Variants in ZBTB20 observed in about 807,000 individuals in gnomAD.
ZBTB20 encodes zinc finger and BTB domain containing 20, also known as zinc finger and BTB domain-containing protein 20.
A neutral mutation model predicts 56.9 loss-of-function variants in ZBTB20; 9 were observed. The ratio of observed to expected loss-of-function variants is 0.16; its 90% CI spans 0.10 to 0.28. ZBTB20 has a LOEUF of 0.28. Ranked by LOEUF, ZBTB20 falls within the 10% of genes least tolerant of loss-of-function variation. The probability of loss-of-function intolerance (pLI) is 1.00; values close to 1 mark genes in which losing one functional copy is unlikely to be tolerated. For missense variants in ZBTB20, 655 were observed against 1,003.0 expected (o/e 0.65, Z 4.69); for synonymous variants, 417 against 420.7 (o/e 0.99, Z 0.11).
chr3:115,103,112 T>C (rs754740733), intron 1 of ZBTB20: 3 of 152,194 alleles, frequency 2.0e-5, no homozygotes, highest in Admixed American at 6.5e-5. Flanking sequence ...CTTTCCCTAG[T>C]TGGGACTGGA....
At chr3:114,572,596 T>C (rs2053558603) in intron 6 of ZBTB20, among the ~76,000 whole-genome samples, 1 of 152,238 alleles carries the variant, frequency 6.6e-6, no homozygotes, top group Admixed American at 6.5e-5. Context: ...TTCATTCTCC[T>C]GGCAGAAGGA....
chr3:115,008,472 G>C (rs903497804), intron 2 of ZBTB20, among the ~76,000 whole-genome samples: 6 of 151,802 alleles, frequency 4.0e-5, no homozygotes, highest in African/African-American at 1.4e-4. Flanking sequence ...AAATGCTCCT[G>C]ATAATAAGCA....
At chr3:115,016,525 G>T (rs1576573079) in intron 2 of ZBTB20, among the ~76,000 whole-genome samples, 2 of 151,738 alleles carry the variant, frequency 1.3e-5, no homozygotes, top group Admixed American at 1.3e-4. Context: ...TCAATTTTCT[G>T]CATATGGCTA....
chr3:114,588,504 T>C (rs1470906836), intron 6 of ZBTB20, among the ~76,000 whole-genome samples: 1 of 152,104 alleles, frequency 6.6e-6, no homozygotes, highest in African/African-American at 2.4e-5. Flanking sequence ...ATGCTCAGAG[T>C]GGGTCACAAG....
At chr3:114,656,239 AAGTT>A (rs1298435459) in intron 6 of ZBTB20, among the ~76,000 whole-genome samples, 3 of 152,172 alleles carry the variant, frequency 2.0e-5, no homozygotes, top group African/African-American at 4.8e-5. Context: ...TGGTGTACAG[AAGTT>A]TGAATACAGT....
chr3:114,704,966 G>A (rs997057160), intron 5 of ZBTB20, among the ~76,000 whole-genome samples: 1 of 152,018 alleles, frequency 6.6e-6, no homozygotes, highest in African/African-American at 2.4e-5. Context: ...CTCAGGGTCA[G>A]GCACTGTTCT....
At chr3:114,393,190 C>T (rs999203489) in intron 7 of ZBTB20, among the ~76,000 whole-genome samples, 1 of 152,034 alleles carries the variant, frequency 6.6e-6, no homozygotes, top group Non-Finnish European at 1.5e-5. Context: ...TTCTTTCTAA[C>T]CCATCATAAG....
intron 1 of ZBTB20, among the ~76,000 whole-genome samples, chr3:115,110,593 AC>A (rs1433272944): frequency 6.6e-6 from 1 of 152,256 alleles, no homozygotes; most frequent in Non-Finnish European, 1.5e-5. Context: ...GAAATGAATT[AC>A]ATTAAATTTT....
chr3:114,493,409 T>G (rs1337384047), intron 7 of ZBTB20, among the ~76,000 whole-genome samples: 2 of 152,210 alleles, frequency 1.3e-5, no homozygotes, highest in African/African-American at 4.8e-5. Context: ...AAGTTTACCC[T>G]TTTAAAAAAC....
chr3:115,133,474 C>T (rs527348006), intron 1 of ZBTB20, among the ~76,000 whole-genome samples: 140 of 152,172 alleles, frequency 9.2e-4, no homozygotes, highest in Non-Finnish European at 1.7e-3. Flanking sequence ...CACCAACTAC[C>T]TCCAGAACAT....
At chr3:114,750,362 T>A (rs1190596942) in intron 5 of ZBTB20, among the ~76,000 whole-genome samples, 1 of 152,074 alleles carries the variant, frequency 6.6e-6, no homozygotes, top group Non-Finnish European at 1.5e-5. Context: ...CTGAGCCTCA[T>A]CGGACTGTAG....
intron 2 of ZBTB20, among the ~76,000 whole-genome samples, chr3:114,990,665 G>T (rs545736567): frequency 1.3e-5 from 2 of 152,256 alleles, no homozygotes; most frequent in African/African-American, 4.8e-5. Flanking sequence ...GATTGGAATA[G>T]TTTCAGGAGG....
At position 114,409,271 on chromosome 3, in the gene ZBTB20, T is replaced by C. The variant is rs75842027; in HGVS notation, c.-254-20166A>G. ...AATAAAGAAGCACAAAGAAACACTG[T>C]CATCAATCAGAATGCTCTTGCCTAC... On this transcript the variant is annotated intron_variant, in intron 7 of 11. Coordinates refer to ENST00000675478, the MANE Select transcript of ZBTB20 (RefSeq NM_001348800.3). Among the ~76,000 whole-genome samples, 705 of 151,910 alleles carry C rather than the reference T, an allele frequency of 4.6e-3. 1 individual carries two copies. The highest frequency in any genetic ancestry group is 0.013 in the Admixed American group (202 of 15,236).
chr3:114,947,659 G>A lies in ZBTB20; in HGVS notation c.-456+26707C>T, dbSNP rs1411503953. Among the ~76,000 whole-genome samples, 5 of 145,632 alleles carry A rather than the reference G, an allele frequency of 3.4e-5. 1 individual carries two copies. The highest frequency in any genetic ancestry group is 1.4e-4 in the African/African-American group (5 of 35,612). On this transcript the variant is annotated intron_variant, in intron 3 of 11. Coordinates refer to ENST00000675478, the MANE Select transcript of ZBTB20 (RefSeq NM_001348800.3). ...AAACAATGGAGACTGGGAAGGGTGAGGAGGAAGGGGGTGGATATGAGAAAT... is the reference window on the plus strand; with the variant it reads ...AAACAATGGAGACTGGGAAGGGTGAAGAGGAAGGGGGTGGATATGAGAAAT...
At chr3:114,794,769 T>A (rs72956243) in intron 5 of ZBTB20, among the ~76,000 whole-genome samples, 14,106 of 152,096 alleles carry the variant, frequency 0.093, 689 homozygotes, top group African/African-American at 0.12. Context: ...TAATGCATCA[T>A]ACTTAAAAAA....
chr3:115,077,098 G>C (rs1011119468), intron 1 of ZBTB20, among the ~76,000 whole-genome samples: 2 of 152,144 alleles, frequency 1.3e-5, no homozygotes, highest in African/African-American at 2.4e-5. Flanking sequence ...TCTGCAGCCT[G>C]GGGCGTGGCG....
intron 2 of ZBTB20, among the ~76,000 whole-genome samples, chr3:115,043,845 C>T (rs2081241982): frequency 6.6e-6 from 1 of 151,992 alleles, no homozygotes; most frequent in Non-Finnish European, 1.5e-5. Context: ...AATGTGGTCT[C>T]CGGTGTTGGA....
intron 5 of ZBTB20, among the ~76,000 whole-genome samples, chr3:114,729,121 C>T (rs2065529300): frequency 2.0e-5 from 3 of 152,070 alleles, no homozygotes; most frequent in African/African-American, 4.8e-5. Flanking sequence ...CCCATGGACA[C>T]AAGAGACAAC....
In ZBTB20 at chr3:115,008,337, T is replaced by G. The variant is rs1257124665; in HGVS notation, c.-506-33921A>C. The stretch of plus-strand genomic sequence containing the variant: ...GAACCTTGAGTTCAAGCCCTTTCCT[T>G]TGTTTCCCTACAGTTGCCCTGTAAT... On this transcript the variant is annotated intron_variant, in intron 2 of 11. Coordinates refer to ENST00000675478, the MANE Select transcript of ZBTB20 (RefSeq NM_001348800.3). 2.6e-5 allele frequency among the ~76,000 whole-genome samples: 4 copies of G among 151,894 alleles called. No homozygotes were observed. In the East Asian group the frequency reaches 5.9e-4, roughly 22 times the overall value.
Sources: gnomAD v4.1 joint callset for allele counts (sites outside exome capture counted in the v4.1 genomes callset) on GRCh38, gnomAD v4.1.1 for gene constraint, MANE v1.5 for transcripts, NCBI Gene and HGNC (gene_info 2026-07-23, HGNC 2026-07-21) for gene names.